Variants in PCNA observed in about 807,000 individuals in gnomAD.
The protein encoded by PCNA is proliferating cell nuclear antigen.
A neutral mutation model predicts 27.8 loss-of-function variants in PCNA; 4 were observed. That is an observed-to-expected ratio of 0.14 (90% CI 0.07 to 0.33). The LOEUF (loss-of-function observed/expected upper bound fraction) is 0.33, where lower values mean the gene tolerates loss of function less well. Among genes scored for constraint, PCNA ranks in the 10% least tolerant of loss-of-function variants. The pLI, the probability that PCNA is intolerant of heterozygous loss-of-function variation, is 1.00. For synonymous variants in PCNA, 121 were observed against 119.4 expected (o/e 1.01, Z -0.09); for missense variants, 165 against 327.4 (o/e 0.50, Z 3.83).
Position 5,119,849 on chromosome 20 carries a change from T to C in PCNA, c.-51A>G. ...TACAGGCAGGCGGGAAGGAGGAAAG[T>C]CTAGCTGGTTTCGGCTTCAGGAGCC... On this transcript the variant is annotated 5_prime_UTR_variant, in exon 1 of 6. Coordinates refer to ENST00000379143, the MANE Select transcript of PCNA (RefSeq NM_182649.2). 1 of 1,449,442 alleles carries C rather than the reference T, an allele frequency of 6.9e-7. No homozygotes were observed. Among genetic ancestry groups the C allele is most frequent in the Middle Eastern group, 2.4e-4 (1 of 4,154 alleles). The allele number at this position is 1,449,442 out of a possible 1,614,324, so 89.8% of individuals were successfully genotyped here. A position where few individuals can be genotyped will look rare whatever the true frequency, so the allele number is the denominator to read the frequency against.
Position 5,117,533 on chromosome 20 carries a change from T to A in PCNA, c.519A>T (p.Gly173=). The A allele has an allele frequency of 6.2e-7, 1 of 1,614,060 alleles. No individual in the cohort carries two copies. The highest frequency in any genetic ancestry group is 8.5e-7 in the Non-Finnish European group (1 of 1,179,938). ...AKDGVKFSAS[G]ELGNGNIKLS... ...ATTTAATGTTTCCATTTCCAAGTTC[T>A]CCACTTGCAGAAAATTTCACTCCGT... Residue 173 remains glycine (G), a synonymous_variant, in exon 4 of 6, where the codon GGA becomes GGT. Coordinates refer to ENST00000379143, the MANE Select transcript of PCNA (RefSeq NM_182649.2).
intron 1 of PCNA, among the ~76,000 whole-genome samples, chr20:5,125,995 A>G (rs2090545324): frequency 1.3e-5 from 2 of 152,236 alleles, no homozygotes; most frequent in Admixed American, 6.5e-5. Flanking sequence ...GCACTTTGGA[A>G]GGCGGAGGCG....
rs1407716264 is a variant in PCNA at position 5,119,565 on chromosome 20, C to G, written c.221+13G>C. On this transcript the variant is annotated intron_variant, in intron 1 of 5. Coordinates refer to ENST00000379143, the MANE Select transcript of PCNA (RefSeq NM_182649.2). ...GCGGGCCGGGGCCGGCTTCCCGGGGCCGCGAGGCTCACCTGGTGAGGTTCA... is the reference window on the plus strand; with the variant it reads ...GCGGGCCGGGGCCGGCTTCCCGGGGGCGCGAGGCTCACCTGGTGAGGTTCA... The G allele has an allele frequency of 6.2e-6, 10 of 1,603,562 alleles. No individual in the cohort carries two copies. In the South Asian group the frequency reaches 1.1e-4, roughly 18 times the overall value.
upstream of PCNA, among the ~76,000 whole-genome samples, chr20:5,121,747 T>A (rs1297338154): frequency 1.3e-5 from 2 of 150,920 alleles, no homozygotes; most frequent in African/African-American, 4.9e-5. Flanking sequence ...TCTTGCCACC[T>A]CCCAAATAGC....
At chr20:5,122,953 T>C (rs2090526216), upstream of PCNA, among the ~76,000 whole-genome samples, 1 of 152,218 alleles carries the variant, frequency 6.6e-6, no homozygotes, top group East Asian at 1.9e-4. Context: ...GTTACGTAAA[T>C]TTTATGTTAA....
intron 4 of PCNA, among the ~76,000 whole-genome samples, chr20:5,116,336 A>G (rs1406422713): frequency 6.6e-6 from 1 of 152,192 alleles, no homozygotes; most frequent in East Asian, 1.9e-4. Context: ...CTCAAAAACA[A>G]AGAAAAACAG....
rs1303813984 is a variant in PCNA, at chr20:5,118,660, C to T, written c.337G>A (p.Asp113Asn). The change falls in exon 3 of 6, where the codon GAC becomes AAC. Residue 113 changes from aspartate to asparagine, a missense_variant. Physicochemically the swap from Asp to Asn is conservative, Grantham distance 23. Transcript: ENST00000379143. ...AAATCCATCAACTTCATTTCATAGT[C>T]TGAAACTTTCTCCTGGTCTACCAAA... ...FEAPNQEKVS[D>N]YEMKLMDLDV... 14 of 1,613,648 alleles carry T rather than the reference C, an allele frequency of 8.7e-6. No homozygotes were observed. The highest frequency in any genetic ancestry group is 2.7e-5 in the African/African-American group (2 of 74,936).
upstream of PCNA, chr20:5,119,969 CCGCAAGCGCG>C: frequency 3.3e-6 from 2 of 612,904 alleles, no homozygotes; most frequent in East Asian, 5.6e-5. Flanking sequence ...GCCGCCGCGT[CCGCAAGCGCG>C]CGCTCTCACC....
chr20:5,126,091 G>C (rs1007041430), intron 1 of PCNA, among the ~76,000 whole-genome samples: 4 of 152,162 alleles, frequency 2.6e-5, no homozygotes, highest in African/African-American at 9.7e-5. Flanking sequence ...AAAGTTAGCC[G>C]GGCGTGGTGG....
upstream of PCNA, among the ~76,000 whole-genome samples, chr20:5,122,205 C>T (rs887769631): frequency 7.9e-5 from 12 of 152,172 alleles, no homozygotes; most frequent in African/African-American, 2.6e-4. Context: ...TGGTCTTGAA[C>T]TCCTGACCTC....
In PCNA at chr20:5,119,699, C is replaced by A; in HGVS notation, c.100G>T (p.Gly34Cys). ...NEACWDISSS[G>C]VNLQSMDSSH... ...GAGTCCATGCTCTGCAGGTTTACAC[C>A]GCTGGAGCTAATATCCCAGCAGGCC... The change falls in exon 1 of 6, where the codon GGT becomes TGT. Residue 34 changes from glycine (G) to cysteine (C), a missense_variant. Gly to Cys is a radical substitution (Grantham distance 159, BLOSUM62 -3). Coordinates refer to ENST00000379143, the MANE Select transcript of PCNA (RefSeq NM_182649.2). 6.2e-7 allele frequency: 1 copy of A among 1,608,204 alleles called. No homozygotes were observed. Among genetic ancestry groups the A allele is most frequent in the Non-Finnish European group, 8.5e-7 (1 of 1,177,532 alleles).
chr20:5,119,727 G>A lies in PCNA; in HGVS notation c.72C>T (p.Asn24=), dbSNP rs779810002. The stretch of plus-strand genomic sequence containing the variant: ...TGGAGCTAATATCCCAGCAGGCCTC[G>A]TTGATGAGGTCCTTGAGTGCCTCCA... The part of the protein sequence containing the change: ...KVLEALKDLI[N]EACWDISSSG... Residue 24 remains asparagine, a synonymous_variant, in exon 1 of 6, where the codon AAC becomes AAT. Coordinates refer to ENST00000379143, the MANE Select transcript of PCNA (RefSeq NM_182649.2). 6.3e-7 allele frequency: 1 copy of A among 1,597,538 alleles called. No individual in the cohort carries two copies. The highest frequency in any genetic ancestry group is 1.7e-5 in the Admixed American group (1 of 57,254).
At chr20:5,118,140 A>G (rs2090488680) in intron 3 of PCNA, among the ~76,000 whole-genome samples, 1 of 152,264 alleles carries the variant, frequency 6.6e-6, no homozygotes, top group Admixed American at 6.5e-5. Context: ...ATGCAAATAG[A>G]CAACTGGCAG....
rs145675493 is a variant in PCNA at position 5,115,298 on chromosome 20, A to C, written c.771T>G (p.Asp257Glu). 1.9e-6 allele frequency: 3 copies of C among 1,613,300 alleles called. No individual in the cohort carries two copies. In the African/African-American group the frequency reaches 4.0e-5, roughly 22 times the overall value. The change falls in exon 6 of 6, where the codon GAT becomes GAG. Residue 257 changes from aspartate to glutamate, a missense_variant. Physicochemically the swap from Asp to Glu is conservative, Grantham distance 45. Coordinates refer to ENST00000379143, the MANE Select transcript of PCNA (RefSeq NM_182649.2). ...LKYYLAPKIE[D>E]EEGS is the part of the protein sequence containing the mutation. ...TTAAGAATGCCTAAGATCCTTCTTCATCCTCGATCTTGGGAGCCAAGTAGT... is the reference window on the plus strand; with the variant it reads ...TTAAGAATGCCTAAGATCCTTCTTCCTCCTCGATCTTGGGAGCCAAGTAGT...
chr20:5,116,126 A>G (rs1468886061), intron 4 of PCNA, among the ~76,000 whole-genome samples: 2 of 152,232 alleles, frequency 1.3e-5, no homozygotes, highest in Non-Finnish European at 2.9e-5. Flanking sequence ...TAAATGATCT[A>G]ATTTCTTCAA....
chr20:5,124,785 C>A (rs1008715163), upstream of PCNA, among the ~76,000 whole-genome samples: 1 of 152,208 alleles, frequency 6.6e-6, no homozygotes, highest in Non-Finnish European at 1.5e-5. Flanking sequence ...GATCTGAGTT[C>A]CATTAACCTG....
chr20:5,116,418 C>T (rs566650989), intron 4 of PCNA, among the ~76,000 whole-genome samples: 8 of 152,008 alleles, frequency 5.3e-5, no homozygotes, highest in Admixed American at 2.0e-4. Flanking sequence ...AGCTCCTAGA[C>T]TTTATTAATT....
upstream of PCNA, among the ~76,000 whole-genome samples, chr20:5,124,208 T>G (rs1331968855): frequency 1.3e-5 from 2 of 152,212 alleles, no homozygotes; most frequent in Non-Finnish European, 1.5e-5. Flanking sequence ...TTGGTATAAT[T>G]TTTCTGGTGG....
At chr20:5,124,886 T>C (rs981629728), upstream of PCNA, among the ~76,000 whole-genome samples, 2 of 152,238 alleles carry the variant, frequency 1.3e-5, no homozygotes, top group Non-Finnish European at 2.9e-5. Flanking sequence ...TTCTGACTTA[T>C]GTGCATTGAT....
Sources: gnomAD v4.1 joint callset for allele counts (sites outside exome capture counted in the v4.1 genomes callset) on GRCh38, gnomAD v4.1.1 for gene constraint, MANE v1.5 for transcripts, NCBI Gene and HGNC (gene_info 2026-07-23, HGNC 2026-07-21) for gene names.